The following PDE8B variants were observed in gnomAD, a reference collection of about 807,000 sequenced individuals.
PDE8B encodes the protein phosphodiesterase 8B.
PDE8B carries 26 observed loss-of-function variants against 101.3 expected under a neutral mutation model. The ratio of observed to expected loss-of-function variants is 0.26; its 90% CI spans 0.19 to 0.36. PDE8B has a LOEUF of 0.36. PDE8B is among the 10% of genes least tolerant of loss of function. The pLI is 1.00. For synonymous variants in PDE8B, 424 were observed against 429.3 expected (o/e 0.99, Z 0.15); for missense variants, 810 against 1,163.1 (o/e 0.70, Z 4.42).
chr5:77,321,656 G>A (rs1405378635), intron 2 of PDE8B, among the ~76,000 whole-genome samples: 1 of 152,032 alleles, frequency 6.6e-6, no homozygotes, highest in African/African-American at 2.4e-5. Flanking sequence ...TTTTTAAAAG[G>A]TGATTACTAT....
intron 2 of PDE8B, among the ~76,000 whole-genome samples, chr5:77,316,580 A>G (rs1405798779): frequency 1.3e-5 from 2 of 152,124 alleles, no homozygotes; most frequent in African/African-American, 4.8e-5. Context: ...TTATAACAAA[A>G]TCTCACCATA....
chr5:77,407,494 G>A, intron 13 of PDE8B, 37 bp downstream of exon 13: 1 of 1,464,920 alleles, frequency 6.8e-7, no homozygotes, highest in African/African-American at 1.4e-5. Flanking sequence ...TGCAGTCAGG[G>A]GCCCTCACAC....
intron 5 of PDE8B, 118 bp from the exon 6 acceptor site, chr5:77,337,106 CCTA>C (rs543869177): frequency 1.4e-4 from 96 of 680,032 alleles, no homozygotes; most frequent in African/African-American, 1.4e-3. Context: ...TCTCATCTTA[CCTA>C]CTAATTGTCT....
the PDE8B span, among the ~76,000 whole-genome samples, chr5:77,158,918 T>C: frequency 3.3e-5 from 5 of 152,130 alleles, no homozygotes; most frequent in Non-Finnish European, 5.9e-5. Flanking sequence ...ACTCCTTAGG[T>C]AACACAGGGA....
chr5:77,110,730 T>C, the PDE8B span, among the ~76,000 whole-genome samples: 1 of 152,174 alleles, frequency 6.6e-6, no homozygotes, highest in Admixed American at 6.6e-5. Flanking sequence ...AGTAATGCAG[T>C]GTGTACCCAA....
chr5:77,204,239 T>A, the PDE8B span, among the ~76,000 whole-genome samples: 41 of 151,676 alleles, frequency 2.7e-4, no homozygotes, highest in Admixed American at 9.8e-4. Flanking sequence ...GTTAAACCCA[T>A]CTCTACTAAA....
intron 10 of PDE8B, among the ~76,000 whole-genome samples, chr5:77,357,661 C>CT (rs1013743173): frequency 1.3e-5 from 2 of 152,204 alleles, no homozygotes; most frequent in African/African-American, 4.8e-5. Flanking sequence ...TGGTCGATTT[C>CT]TTTTTTGCCT....
At chr5:77,147,101 G>A in the PDE8B span, 5 of 377,654 alleles carry the variant, frequency 1.3e-5, no homozygotes, top group Admixed American at 3.5e-5. Flanking sequence ...GAGTTGTCAC[G>A]GCTAAAAAAA....
At chr5:77,118,239 G>A in the PDE8B span, 3 of 394,492 alleles carry the variant, frequency 7.6e-6, no homozygotes, top group Non-Finnish European at 1.3e-5. Context: ...GAGCCACCAC[G>A]CCTAGCCTAA....
the PDE8B span, among the ~76,000 whole-genome samples, chr5:77,138,573 C>T: frequency 1.3e-5 from 2 of 152,148 alleles, no homozygotes; most frequent in Admixed American, 1.3e-4. Flanking sequence ...TCAAAGACTC[C>T]AGCATGGAGT....
intron 1 of PDE8B, among the ~76,000 whole-genome samples, chr5:77,253,828 T>G (rs1758565859): frequency 6.6e-6 from 1 of 152,106 alleles, no homozygotes; most frequent in Admixed American, 6.5e-5. Context: ...TTAGTTAAAT[T>G]GATATATCTA....
At chr5:77,123,602 AC>A in the PDE8B span, among the ~76,000 whole-genome samples, 7 of 152,116 alleles carry the variant, frequency 4.6e-5, no homozygotes, top group East Asian at 1.4e-3. Context: ...TACAAAAAAT[AC>A]AAAAAATTAG....
chr5:77,156,485 C>T, the PDE8B span, among the ~76,000 whole-genome samples: 2 of 152,122 alleles, frequency 1.3e-5, no homozygotes, highest in African/African-American at 4.8e-5. Context: ...CAATCGATAC[C>T]CAAGGACGAT....
At chr5:77,215,934 C>T (rs1022686895) in intron 1 of PDE8B, among the ~76,000 whole-genome samples, 2 of 152,158 alleles carry the variant, frequency 1.3e-5, no homozygotes, top group Admixed American at 6.5e-5. Context: ...CAGGTTGAGA[C>T]TTCTGATTGG....
chr5:77,325,105 C>T (rs1055754457), intron 2 of PDE8B, among the ~76,000 whole-genome samples: 2 of 152,162 alleles, frequency 1.3e-5, no homozygotes, highest in African/African-American at 2.4e-5. Context: ...CTGGTAGCTT[C>T]CCTCTAGAGG....
chr5:77,362,976 C>T (rs1008604042), intron 10 of PDE8B, among the ~76,000 whole-genome samples: 1 of 152,236 alleles, frequency 6.6e-6, no homozygotes, highest in African/African-American at 2.4e-5. Flanking sequence ...ATGTCTTGGT[C>T]GCTGTGTCCC....
chr5:77,302,064 A>G (rs952212963), intron 1 of PDE8B, among the ~76,000 whole-genome samples: 1 of 152,178 alleles, frequency 6.6e-6, no homozygotes, highest in African/African-American at 2.4e-5. Flanking sequence ...TCATGACTGT[A>G]GATGACATGA....
At chr5:77,243,283 C>A (rs1004097790) in intron 1 of PDE8B, among the ~76,000 whole-genome samples, 1 of 152,076 alleles carries the variant, frequency 6.6e-6, no homozygotes, top group Non-Finnish European at 1.5e-5. Flanking sequence ...AAAATATAAT[C>A]TGTATGTTAA....
chr5:77,147,144 A>C, the PDE8B span: 2 of 342,396 alleles, frequency 5.8e-6, no homozygotes, highest in Non-Finnish European at 5.8e-6. Context: ...GATGAAGATG[A>C]TGATGATGAT....
Sources: gnomAD v4.1 joint callset for allele counts (sites outside exome capture counted in the v4.1 genomes callset) on GRCh38, gnomAD v4.1.1 for gene constraint, MANE v1.5 for transcripts, NCBI Gene and HGNC (gene_info 2026-07-23, HGNC 2026-07-21) for gene names.